SLC12A9: variants seen among roughly 807,000 people sequenced by gnomAD.
The protein encoded by SLC12A9 is solute carrier family 12 member 9, also known as CCC-interacting protein 1.
Under a neutral mutation model 66.0 loss-of-function variants are expected in SLC12A9, and 55 were observed. The ratio of observed to expected loss-of-function variants is 0.83; its 90% CI spans 0.67 to 1.04. The LOEUF is 1.04. Among genes scored for constraint, SLC12A9 ranks in the 50% least tolerant of loss-of-function variants. The probability of loss-of-function intolerance (pLI) is 0.00; values close to 1 mark genes in which losing one functional copy is unlikely to be tolerated. For missense variants in SLC12A9, 1,061 were observed against 1,241.9 expected (o/e 0.85, Z 2.19); for synonymous variants, 577 against 569.0 (o/e 1.01, Z -0.20).
intron 1 of SLC12A9, among the ~76,000 whole-genome samples, chr7:100,830,461 T>A (rs1172392621): frequency 6.6e-6 from 1 of 151,994 alleles, no homozygotes; most frequent in Non-Finnish European, 1.5e-5. Flanking sequence ...ATCGTTTCAG[T>A]CCAGGAGTTT....
Position 100,861,417 on chromosome 7 carries a change from C to T in SLC12A9, c.1369C>T (p.His457Tyr), listed in dbSNP as rs773373238. Reference sequence around the variant, plus strand: ...CCCCACCTTCAGCCTGTTCTCCTGGCACACCTGCCTGCTGGGGGTGGCCTC... The same window carrying T: ...CCCCACCTTCAGCCTGTTCTCCTGGTACACCTGCCTGCTGGGGGTGGCCTC... ...FRPTFSLFSW[H>Y]TCLLGVASCL... is the part of the protein sequence containing the mutation. The change falls in exon 11 of 14, where the codon CAC (histidine) becomes TAC (tyrosine). Residue 457 changes from histidine to tyrosine, a missense_variant. His to Tyr is a moderately conservative substitution (Grantham distance 83, BLOSUM62 2). Transcript: ENST00000354161. This position sits in a 1 kb window ranked among gnomAD's most constrained non-coding sequence, Gnocchi z 5.3. 6 of 1,613,756 alleles carry T rather than the reference C, an allele frequency of 3.7e-6. No homozygotes were observed. The South Asian group carries it at 4.4e-5, about 12-fold the overall frequency.
At chr7:100,843,711 C>G (rs1813836903) in intron 1 of SLC12A9, among the ~76,000 whole-genome samples, 1 of 152,220 alleles carries the variant, frequency 6.6e-6, no homozygotes, top group Non-Finnish European at 1.5e-5. Flanking sequence ...GCTGTGGTAA[C>G]TTGAATGACT....
Position 100,855,697 on chromosome 7 carries a change from C to T in SLC12A9, c.317-9C>T, listed in dbSNP as rs1200441846. ...TTCCCTTAATGCTCACCCCTGCTTC[C>T]ACTTTCAGTCATGATCAGCCGCACA... is the stretch of plus-strand genomic sequence containing the variant. On this transcript the variant is annotated splice_polypyrimidine_tract_variant and intron_variant, in intron 3 of 13. Coordinates refer to ENST00000354161, the MANE Select transcript of SLC12A9 (RefSeq NM_020246.4). 1.9e-6 allele frequency: 3 copies of T among 1,613,972 alleles called. No individual in the cohort carries two copies. The highest frequency in any genetic ancestry group is 3.3e-4 in the Middle Eastern group (2 of 6,084).
rs777877871 is a variant in SLC12A9, at chr7:100,861,502, T to C, written c.1454T>C (p.Met485Thr). The change falls in exon 11 of 14, where the codon ATG (methionine) becomes ACG (threonine). Residue 485 changes from methionine (M) to threonine (T), a missense_variant. Physicochemically the swap from Met to Thr is moderately conservative, Grantham distance 81 (BLOSUM62 -1). Coordinates refer to ENST00000354161, the MANE Select transcript of SLC12A9 (RefSeq NM_020246.4). This position sits in a 1 kb window ranked among gnomAD's most constrained non-coding sequence, Gnocchi z 5.3. ...GCGGCTGGTGGCTCCCTGCTCCTCATGGGTCTGCTGGCTGCCCTGCTCACC... is the reference window on the plus strand; with the variant it reads ...GCGGCTGGTGGCTCCCTGCTCCTCACGGGTCTGCTGGCTGCCCTGCTCACC... Reference protein sequence around the residue: ...PGAAGGSLLLMGLLAALLTAR... With the variant: ...PGAAGGSLLLTGLLAALLTAR... The C allele has an allele frequency of 4.3e-6, 7 of 1,613,702 alleles. No homozygotes were observed. The highest frequency in any genetic ancestry group is 5.1e-6 in the Non-Finnish European group (6 of 1,180,026).
chr7:100,842,252 A>G (rs538355755), intron 1 of SLC12A9, among the ~76,000 whole-genome samples: 2 of 152,302 alleles, frequency 1.3e-5, no homozygotes, highest in African/African-American at 2.4e-5. Flanking sequence ...CATCTATTCT[A>G]TTACTCTTTC....
intron 7 of SLC12A9, 121 bp from the exon 8 acceptor site, chr7:100,859,760 CAATG>C (rs1814625903): frequency 8.5e-7 from 1 of 1,173,224 alleles, no homozygotes; most frequent in African/African-American, 1.5e-5. Context: ...CAAGGCTGCC[CAATG>C]AATACCAGGC....
In SLC12A9 at chr7:100,859,968, C is replaced by T. The variant is rs747941973; in HGVS notation, c.1061C>T (p.Ala354Val). 67 of 1,613,358 alleles carry T rather than the reference C, an allele frequency of 4.2e-5. No homozygotes were observed. The highest frequency in any genetic ancestry group is 1.6e-4 in the Middle Eastern group (1 of 6,062). Residue 354 changes from alanine to valine, a missense_variant, in exon 8 of 14, where the codon GCG becomes GTG. Ala to Val is a moderately conservative substitution (Grantham distance 64, BLOSUM62 0). Coordinates refer to ENST00000354161, the MANE Select transcript of SLC12A9 (RefSeq NM_020246.4). ...GTGTTGATCGGAATCTATGCCACAGCGCTCTCAGCGTCCATGAGCTCGCTC... is the reference window on the plus strand; with the variant it reads ...GTGTTGATCGGAATCTATGCCACAGTGCTCTCAGCGTCCATGAGCTCGCTC... ...PLVLIGIYATALSASMSSLIG... is the reference protein window; with the variant it reads ...PLVLIGIYATVLSASMSSLIG...
At position 100,866,656 on chromosome 7, in the gene SLC12A9, C is replaced by A; in HGVS notation, c.*51C>A. The A allele has an allele frequency of 6.9e-7, 1 of 1,441,962 alleles. No homozygotes were observed. Among genetic ancestry groups the A allele is most frequent in the African/African-American group, 1.4e-5 (1 of 69,312 alleles). 89.3% of individuals were successfully genotyped at this position (1,441,962 alleles called of 1,614,324 possible). Reference sequence around the variant, plus strand: ...AGAGGGCCCAGGCAGGCGGCCTATCCTGATCCTTGGAGGAGGAGGAAGAGG... The same window carrying A: ...AGAGGGCCCAGGCAGGCGGCCTATCATGATCCTTGGAGGAGGAGGAAGAGG... On this transcript the variant is annotated 3_prime_UTR_variant, in exon 14 of 14. Transcript: ENST00000354161. This position sits in a 1 kb window ranked among gnomAD's most constrained non-coding sequence, Gnocchi z 7.3.
chr7:100,854,102 G>T, intron 1 of SLC12A9, 54 bp from the exon 2 acceptor site: 4 of 1,177,140 alleles, frequency 3.4e-6, no homozygotes, highest in Non-Finnish European at 4.7e-6. Context: ...GTGGTCTTTG[G>T]GGGTGGGCGA....
At chr7:100,853,987 C>T (rs1814230620) in intron 1 of SLC12A9, among the ~76,000 whole-genome samples, 169 bp from the exon 2 acceptor site, 1 of 152,148 alleles carries the variant, frequency 6.6e-6, no homozygotes, top group Non-Finnish European at 1.5e-5. Flanking sequence ...CCTCGTCCTC[C>T]CAAAGTGCTG....
At chr7:100,831,529 G>A (rs908880925) in intron 1 of SLC12A9, among the ~76,000 whole-genome samples, 3 of 152,122 alleles carry the variant, frequency 2.0e-5, no homozygotes, top group African/African-American at 7.2e-5. Context: ...CCAGGCTGGA[G>A]TGCAGTGGCA....
intron 1 of SLC12A9, among the ~76,000 whole-genome samples, chr7:100,844,084 T>A (rs990861149): frequency 5.3e-5 from 8 of 152,212 alleles, no homozygotes; most frequent in Non-Finnish European, 8.8e-5. Flanking sequence ...CAGGACTCAT[T>A]TGCCTTAAAA....
chr7:100,827,723 G>A (rs138161618), intron 1 of SLC12A9, among the ~76,000 whole-genome samples: 7 of 152,318 alleles, frequency 4.6e-5, no homozygotes, highest in Admixed American at 1.3e-4. Context: ...GGGGAGGGGC[G>A]GCGGGTGAGG....
Position 100,865,712 on chromosome 7 carries a change from C to T in SLC12A9, c.1859-7C>T. 12 of 1,601,118 alleles carry T rather than the reference C, an allele frequency of 7.5e-6. No homozygotes were observed. The highest frequency in any genetic ancestry group is 1.0e-5 in the Non-Finnish European group (12 of 1,172,716). ...GTCTGTTCCTGCCTTCCCCGCTCTGCCCCCAGGTGGCATGAAGCCCAACAC... is the reference window on the plus strand; with the variant it reads ...GTCTGTTCCTGCCTTCCCCGCTCTGTCCCCAGGTGGCATGAAGCCCAACAC... On this transcript the variant is annotated splice_polypyrimidine_tract_variant and splice_region_variant and intron_variant, in intron 13 of 13. Transcript: ENST00000354161.
At chr7:100,858,655 G>A (rs1185934070) in intron 5 of SLC12A9, 180 bp from the exon 6 acceptor site, 4 of 592,644 alleles carry the variant, frequency 6.7e-6, no homozygotes, top group African/African-American at 5.6e-5. Flanking sequence ...TCGGAGCACT[G>A]GGGGGACGTG....
Position 100,866,149 on chromosome 7 carries a change from C to A in SLC12A9, c.2289C>A (p.Ser763Arg), listed in dbSNP as rs780884489. 6.2e-7 allele frequency: 1 copy of A among 1,612,792 alleles called. No individual in the cohort carries two copies. Among genetic ancestry groups the A allele is most frequent in the Non-Finnish European group, 8.5e-7 (1 of 1,179,774 alleles). Residue 763 changes from serine to arginine, a missense_variant, in exon 14 of 14, where the codon AGC becomes AGA. Transcript: ENST00000354161. This position sits in a 1 kb window ranked among gnomAD's most constrained non-coding sequence, Gnocchi z 7.3. The stretch of plus-strand genomic sequence containing the variant: ...TGGGCATGGTGCCCGCTTGGCATAG[C>A]GCCCGGCTCCGGATCTTCCTGTGCC... ...TILGMVPAWH[S>R]ARLRIFLCLG...
intron 1 of SLC12A9, among the ~76,000 whole-genome samples, chr7:100,845,450 C>T (rs955409205): frequency 1.3e-5 from 2 of 151,892 alleles, no homozygotes; most frequent in Non-Finnish European, 1.5e-5. Flanking sequence ...CCCGGGTTCA[C>T]GCCATTCTCC....
chr7:100,828,500 T>C (rs1390024931), intron 1 of SLC12A9, among the ~76,000 whole-genome samples: 1 of 130,692 alleles, frequency 7.7e-6, no homozygotes, highest in East Asian at 2.2e-4. Context: ...AGCTGGGAGC[T>C]GAGATCGCGC....
At chr7:100,832,089 A>G (rs1292767710) in intron 1 of SLC12A9, among the ~76,000 whole-genome samples, 1 of 152,130 alleles carries the variant, frequency 6.6e-6, no homozygotes, top group Non-Finnish European at 1.5e-5. Flanking sequence ...TAGCCAGGCT[A>G]CTCGGGAGGC....
Sources: gnomAD v4.1 joint callset for allele counts (sites outside exome capture counted in the v4.1 genomes callset) on GRCh38, gnomAD v4.1.1 for gene constraint, Gnocchi (gnomAD v3.1) non-coding constraint, MANE v1.5 for transcripts, NCBI Gene and HGNC (gene_info 2026-07-23, HGNC 2026-07-21) for gene names.